Variants in STAG1 observed in about 807,000 individuals in gnomAD.
The protein encoded by STAG1 is cohesin subunit SA-1.
STAG1 carries 26 observed loss-of-function variants against 170.9 expected under a neutral mutation model. The ratio of observed to expected loss-of-function variants is 0.15; its 90% confidence interval spans 0.11 to 0.21. The LOEUF (loss-of-function observed/expected upper bound fraction) is 0.21. Ranked by LOEUF, STAG1 falls within the 10% of genes least tolerant of loss-of-function variation. The probability of loss-of-function intolerance (pLI) is 1.00; values close to 1 mark genes in which losing one functional copy is unlikely to be tolerated. For synonymous variants in STAG1, 514 were observed against 497.7 expected (o/e 1.03, Z -0.44); for missense variants, 964 against 1,509.5 (o/e 0.64, Z 5.99).
chr3:136,744,569 G>A lies in STAG1; in HGVS notation c.-84+7626C>T, dbSNP rs184074932. Among the ~76,000 whole-genome samples the A allele has an allele frequency of 2.6e-4, 40 of 152,068 alleles. No homozygotes were observed. In the Middle Eastern group the frequency reaches 0.01, roughly 39 times the overall value. ...GGAAGTGAAATGGTTTCTTCTCATG[G>A]CTCTACTTTGCACTTTCCTTTTTAC... On this transcript the variant is annotated intron_variant, in intron 1 of 33. Transcript: ENST00000383202.
At chr3:136,349,395 CAGAGA>C (rs1294093340) in intron 28 of STAG1, 32 bp from the exon 29 acceptor site, 2 of 1,540,600 alleles carry the variant, frequency 1.3e-6, no homozygotes, top group African/African-American at 2.7e-5. Flanking sequence ...CAGTGATTTT[CAGAGA>C]AGCAGTTCAT....
intron 1 of STAG1, among the ~76,000 whole-genome samples, chr3:136,686,709 G>A (rs1465124410): frequency 1.3e-5 from 2 of 152,154 alleles, no homozygotes; most frequent in African/African-American, 4.8e-5. Context: ...TGTATTTGAT[G>A]AACTTGTTGG....
At chr3:136,696,468 G>A (rs756153912) in intron 1 of STAG1, among the ~76,000 whole-genome samples, 1 of 152,122 alleles carries the variant, frequency 6.6e-6, no homozygotes, top group Non-Finnish European at 1.5e-5. Context: ...GTGGGTGCAT[G>A]CTATATTTGA....
At chr3:136,715,014 AAAATATATATAT>A in intron 1 of STAG1, among the ~76,000 whole-genome samples, 1 of 114,992 alleles carries the variant, frequency 8.7e-6, no homozygotes, top group African/African-American at 2.8e-5. Context: ...ATATATATAT[AAAATATATATAT>A]AAAATAAAAG....
chr3:136,508,368 A>T (rs539754249), intron 7 of STAG1, among the ~76,000 whole-genome samples: 1 of 152,134 alleles, frequency 6.6e-6, no homozygotes, highest in African/African-American at 2.4e-5. Flanking sequence ...TTTTCTAGAG[A>T]GGAAATGTTT....
At chr3:136,463,092 C>A (rs561577428) in intron 13 of STAG1, among the ~76,000 whole-genome samples, 1 of 152,274 alleles carries the variant, frequency 6.6e-6, no homozygotes, top group East Asian at 1.9e-4. Flanking sequence ...TGACAGACAA[C>A]ATCCAAAGAT....
chr3:136,602,549 C>A (rs773150714), intron 4 of STAG1, among the ~76,000 whole-genome samples: 1 of 151,522 alleles, frequency 6.6e-6, no homozygotes, highest in Non-Finnish European at 1.5e-5. Flanking sequence ...GTTAACAATT[C>A]TTCTATTAAA....
At chr3:136,626,342 C>T (rs953081877) in intron 2 of STAG1, among the ~76,000 whole-genome samples, 1 of 150,272 alleles carries the variant, frequency 6.7e-6, no homozygotes, top group African/African-American at 2.4e-5. Flanking sequence ...AGGAGAATTG[C>T]TTGAACCCAC....
chr3:136,369,409 A>T, intron 23 of STAG1, 127 bp from the exon 24 acceptor site: 1 of 659,852 alleles, frequency 1.5e-6, no homozygotes, highest in East Asian at 3.4e-5. Context: ...TTCAGTATTT[A>T]AATTCCAAAT....
intron 23 of STAG1, among the ~76,000 whole-genome samples, chr3:136,376,951 C>T (rs571922261): frequency 2.0e-5 from 3 of 151,456 alleles, no homozygotes; most frequent in South Asian, 2.1e-4. Flanking sequence ...CCACCATGCC[C>T]GGCTAATTTT....
At chr3:136,704,051 AT>A (rs113353607) in intron 1 of STAG1, among the ~76,000 whole-genome samples, 44,731 of 129,774 alleles carry the variant, frequency 0.34, 7,822 homozygotes, top group African/African-American at 0.48. Flanking sequence ...GGCATAAATG[AT>A]TTTTTTTTTT....
At chr3:136,648,128 A>G (rs1362479722) in intron 1 of STAG1, among the ~76,000 whole-genome samples, 1 of 152,246 alleles carries the variant, frequency 6.6e-6, no homozygotes, top group Non-Finnish European at 1.5e-5. Flanking sequence ...GGGGGTTCAT[A>G]GAATTCCATC....
intron 6 of STAG1, among the ~76,000 whole-genome samples, chr3:136,527,852 C>G (rs772914043): frequency 6.6e-6 from 1 of 152,180 alleles, no homozygotes; most frequent in Non-Finnish European, 1.5e-5. Flanking sequence ...GAGGGCCACT[C>G]CAGACCCTGT....
rs1402632832 is a variant in STAG1, at chr3:136,357,795, G to A, written c.2990C>T (p.Pro997Leu). 1 of 1,604,270 alleles carries A rather than the reference G, an allele frequency of 6.2e-7. No individual in the cohort carries two copies. The highest frequency in any genetic ancestry group is 8.5e-7 in the Non-Finnish European group (1 of 1,176,228). Residue 997 changes from proline (P) to leucine (L), a missense_variant, in exon 28 of 34, where the codon CCA (proline) becomes CTA (leucine). Pro to Leu is a moderately conservative substitution (Grantham distance 98, BLOSUM62 -3). This residue lies in a region of STAG1 where 149 missense variants were observed against 301.3 expected (regional missense o/e 0.49). Transcript: ENST00000383202. ...KYQNQKGQEY[P>L]PPNLAFLEVL... ...TTCAAGAAAAGCCAGATTAGGAGGT[G>A]GATACTCTTGTCCTTTCTGATTTTG...
chr3:136,587,020 G>T (rs1450982035), intron 4 of STAG1: 1 of 374,836 alleles, frequency 2.7e-6, no homozygotes, highest in Non-Finnish European at 5.2e-6. Context: ...GTATTGGATG[G>T]TTACATAAAT....
At position 136,712,569 on chromosome 3, in the gene STAG1, T is replaced by C. The variant is rs868609420; in HGVS notation, c.-84+39626A>G. ...GCTCAAACTCATTAGTAGCCAGAGA[T>C]AGTGCAAATTAAAGCCATCAAAAAT... On this transcript the variant is annotated intron_variant, in intron 1 of 33. Transcript: ENST00000383202. Among the ~76,000 whole-genome samples the C allele has an allele frequency of 1.7e-3, 258 of 152,272 alleles. 1 individual carries two copies. The highest frequency in any genetic ancestry group is 5.2e-3 in the African/African-American group (215 of 41,562).
intron 22 of STAG1, among the ~76,000 whole-genome samples, chr3:136,381,058 A>C (rs561542474): frequency 6.6e-6 from 1 of 151,698 alleles, no homozygotes; most frequent in Non-Finnish European, 1.5e-5. Flanking sequence ...AAAAAGAAAC[A>C]TAGGAACAAA....
intron 9 of STAG1, among the ~76,000 whole-genome samples, chr3:136,478,883 T>C (rs192027247): frequency 1.0e-3 from 156 of 152,254 alleles, no homozygotes; most frequent in African/African-American, 3.6e-3. Flanking sequence ...ATTTACTAGC[T>C]GTGTGACCTT....
At chr3:136,671,879 G>GA (rs1340890930) in intron 1 of STAG1, among the ~76,000 whole-genome samples, 1 of 151,086 alleles carries the variant, frequency 6.6e-6, no homozygotes, top group Non-Finnish European at 1.5e-5. Context: ...TTACCTTGAA[G>GA]AAAAAAAAGA....
Sources: gnomAD v4.1 joint callset for allele counts (sites outside exome capture counted in the v4.1 genomes callset) on GRCh38, gnomAD v4.1.1 for gene constraint, gnomAD v4.1.1 regional missense constraint, MANE v1.5 for transcripts, NCBI Gene and HGNC (gene_info 2026-07-23, HGNC 2026-07-21) for gene names.